Variants in PTPRK observed in about 807,000 individuals in gnomAD.
PTPRK encodes the protein receptor-type tyrosine-protein phosphatase kappa.
PTPRK carries 75 observed loss-of-function variants against 178.0 expected under a neutral mutation model. The ratio of observed to expected loss-of-function variants is 0.42; its 90% CI spans 0.35 to 0.51. PTPRK has a LOEUF of 0.51. Ranked by LOEUF, PTPRK falls within the 20% of genes least tolerant of loss-of-function variation. PTPRK has a pLI of 0.02. For missense variants in PTPRK, 1,441 were observed against 1,797.8 expected (o/e 0.80, Z 3.59); for synonymous variants, 637 against 620.6 (o/e 1.03, Z -0.39).
chr6:128,216,531 T>A (rs1244785347), intron 6 of PTPRK, among the ~76,000 whole-genome samples: 2 of 146,760 alleles, frequency 1.4e-5, no homozygotes, highest in African/African-American at 5.1e-5. Flanking sequence ...CGAGATTCTG[T>A]CTCAGAAAAA....
Position 128,321,795 on chromosome 6 carries a change from A to C in PTPRK, c.495+244T>G, listed in dbSNP as rs781506222. The C allele has an allele frequency of 8.5e-6, 6 of 707,536 alleles. No homozygotes were observed. The South Asian group carries it at 9.0e-5, about 11-fold the overall frequency. 43.8% of individuals were successfully genotyped at this position (707,536 alleles called of 1,614,324 possible). A position where few individuals can be genotyped will look rare whatever the true frequency, so the allele number is the denominator to read the frequency against. ...ACATAGAAATACTTTCTCTAGTTTG[A>C]AGGTTTTGTGCCAATGTCTCCAAAC... On this transcript the variant is annotated intron_variant, in intron 3 of 29. Coordinates refer to ENST00000368226, the MANE Select transcript of PTPRK (RefSeq NM_002844.4).
rs557424794 is a variant in PTPRK, at chr6:128,009,278, TA to T, written c.2195-11del. 0.028 allele frequency: 29,340 copies of T among 1,057,388 alleles called. 56 individuals carry two copies. Among genetic ancestry groups the T allele is most frequent in the Admixed American group, 0.076 (3,017 of 39,594 alleles). 65.5% of individuals were successfully genotyped at this position (1,057,388 alleles called of 1,614,324 possible). A position where few individuals can be genotyped will look rare whatever the true frequency, so the allele number is the denominator to read the frequency against. ...TCTTCTGTTGCTGCTGCTAAATGGA[TA>T]AAAAAAAAAATCAGTTACTGAAAGA... On this transcript the variant is annotated splice_polypyrimidine_tract_variant and intron_variant, in intron 13 of 29. Transcript: ENST00000368226.
intron 3 of PTPRK, among the ~76,000 whole-genome samples, chr6:128,255,428 C>T (rs958444922): frequency 3.3e-5 from 5 of 152,062 alleles, no homozygotes; most frequent in Admixed American, 3.3e-4. Flanking sequence ...AAGCACTAGA[C>T]ATTATAATGA....
At chr6:128,368,063 A>T (rs2128346697) in intron 2 of PTPRK, among the ~76,000 whole-genome samples, 1 of 152,278 alleles carries the variant, frequency 6.6e-6, no homozygotes, top group South Asian at 2.1e-4. Context: ...TCTCATTCCA[A>T]AATTGCTGAG....
chr6:128,312,111 C>T (rs1470667670), intron 3 of PTPRK, among the ~76,000 whole-genome samples: 1 of 152,136 alleles, frequency 6.6e-6, no homozygotes, highest in Non-Finnish European at 1.5e-5. Context: ...GGTGAAGAAA[C>T]CCAGCAAGGC....
intron 3 of PTPRK, among the ~76,000 whole-genome samples, chr6:128,300,489 T>C (rs947353560): frequency 6.7e-4 from 102 of 152,014 alleles, no homozygotes; most frequent in Non-Finnish European, 7.6e-4. Flanking sequence ...CCAACAATGA[T>C]AGACTGGATT....
chr6:128,369,377 T>C (rs768013686), intron 2 of PTPRK, among the ~76,000 whole-genome samples: 7 of 152,006 alleles, frequency 4.6e-5, no homozygotes, highest in Non-Finnish European at 8.8e-5. Flanking sequence ...ACAATATAGA[T>C]AGACATTTTA....
intron 7 of PTPRK, among the ~76,000 whole-genome samples, chr6:128,167,632 T>G (rs1799611528): frequency 6.6e-6 from 1 of 152,030 alleles, no homozygotes; most frequent in Non-Finnish European, 1.5e-5. Flanking sequence ...CTAGATAATT[T>G]TAAGTTAAAC....
At chr6:128,219,590 G>T (rs1562813241) in intron 5 of PTPRK, among the ~76,000 whole-genome samples, 1 of 152,170 alleles carries the variant, frequency 6.6e-6, no homozygotes, top group Non-Finnish European at 1.5e-5. Context: ...CCTGGGGGTT[G>T]GGGACCCCTG....
chr6:128,443,500 G>T (rs1420929072), intron 1 of PTPRK, among the ~76,000 whole-genome samples: 1 of 152,192 alleles, frequency 6.6e-6, no homozygotes, highest in Admixed American at 6.5e-5. Flanking sequence ...GTTGTCTGGA[G>T]CCTGGATTTG....
chr6:127,980,517 CAG>C (rs1775204234), intron 25 of PTPRK, among the ~76,000 whole-genome samples: 1 of 150,694 alleles, frequency 6.6e-6, no homozygotes, highest in Non-Finnish European at 1.5e-5. Flanking sequence ...AAAACTAAAA[CAG>C]AAAACTTTCT....
At chr6:128,345,702 G>C (rs1288573810) in intron 2 of PTPRK, among the ~76,000 whole-genome samples, 1 of 152,170 alleles carries the variant, frequency 6.6e-6, no homozygotes, top group Non-Finnish European at 1.5e-5. Context: ...ACTCAGGCTG[G>C]AGAGATAATA....
intron 6 of PTPRK, among the ~76,000 whole-genome samples, chr6:128,185,088 T>TGGC (rs2114699582): frequency 6.6e-6 from 1 of 152,290 alleles, no homozygotes; most frequent in Admixed American, 6.5e-5. Context: ...ATTCACAAAC[T>TGGC]ATGCCCAAGA....
intron 7 of PTPRK, among the ~76,000 whole-genome samples, chr6:128,142,037 T>C (rs1464818533): frequency 6.6e-6 from 1 of 151,976 alleles, no homozygotes; most frequent in African/African-American, 2.4e-5. Flanking sequence ...ACACATATTA[T>C]ACATTAATGT....
chr6:128,370,849 T>A (rs1458075327), intron 2 of PTPRK, among the ~76,000 whole-genome samples: 1 of 152,178 alleles, frequency 6.6e-6, no homozygotes, highest in Non-Finnish European at 1.5e-5. Flanking sequence ...TTGCAAATAA[T>A]TTTAAATATT....
intron 6 of PTPRK, among the ~76,000 whole-genome samples, chr6:128,190,041 C>T (rs1202344206): frequency 1.3e-5 from 2 of 152,024 alleles, no homozygotes; most frequent in African/African-American, 2.4e-5. Flanking sequence ...ACCTTTGCTC[C>T]CATAACAAAC....
At chr6:128,156,281 G>T (rs920148980) in intron 7 of PTPRK, among the ~76,000 whole-genome samples, 2 of 151,760 alleles carry the variant, frequency 1.3e-5, no homozygotes, top group Non-Finnish European at 2.9e-5. Context: ...AGAATAAAAA[G>T]CATAATACAT....
chr6:128,354,255 T>TTTTTTTTA (rs869233661), intron 2 of PTPRK, among the ~76,000 whole-genome samples: 1 of 137,828 alleles, frequency 7.3e-6, no homozygotes, highest in African/African-American at 2.8e-5. Flanking sequence ...TTTTTTTTTT[T>TTTTTTTTA]GAGACTGAGT....
chr6:128,416,314 C>G (rs1441968708), intron 1 of PTPRK, among the ~76,000 whole-genome samples: 1 of 151,630 alleles, frequency 6.6e-6, no homozygotes, highest in Non-Finnish European at 1.5e-5. Context: ...TGTTGATGGG[C>G]AGGATCAAGT....
Sources: allele counts gnomAD v4.1 joint callset (sites outside exome capture counted in the v4.1 genomes callset), GRCh38; gene constraint gnomAD v4.1.1; transcripts MANE v1.5; gene names NCBI Gene and HGNC (gene_info 2026-07-23, HGNC 2026-07-21).